VSIG10: variants seen among roughly 807,000 people sequenced by gnomAD.
VSIG10 encodes the protein V-set and immunoglobulin domain-containing protein 10.
Under a neutral mutation model 58.7 loss-of-function variants are expected in VSIG10, and 48 were observed. That is an observed-to-expected ratio of 0.82 (90% CI 0.65 to 1.04). The LOEUF (loss-of-function observed/expected upper bound fraction) is 1.04. Ranked by LOEUF, VSIG10 falls within the 50% of genes least tolerant of loss-of-function variation. The pLI, the probability that VSIG10 is intolerant of heterozygous loss-of-function variation, is 0.00. For synonymous variants in VSIG10, 260 were observed against 267.1 expected, an observed-to-expected ratio of 0.97 and a Z score of 0.26; for missense variants, 628 against 670.0, an observed-to-expected ratio of 0.94 and a Z score of 0.69.
At chr12:118,082,510 G>C in intron 2 of VSIG10, 81 bp from the exon 3 acceptor site, 1 of 1,390,014 alleles carries the variant, frequency 7.2e-7, no homozygotes, top group Non-Finnish European at 9.8e-7. Flanking sequence ...ATATATAAAT[G>C]AACAGAAAAT....
rs2033419928 is a variant in VSIG10, at chr12:118,095,455, C to T, written c.361+78G>A. On this transcript the variant is annotated intron_variant, in intron 2 of 8. Transcript: ENST00000359236. ...TTCCAGGCCATCCGAACCCAAAACCCATATTCCTGACCATGGTCTCCTCCT... is the reference window on the plus strand; with the variant it reads ...TTCCAGGCCATCCGAACCCAAAACCTATATTCCTGACCATGGTCTCCTCCT... The T allele has an allele frequency of 5.8e-6, 9 of 1,565,054 alleles. No homozygotes were observed. In the South Asian group the frequency reaches 7.2e-5, roughly 13 times the overall value.
At position 118,064,346 on chromosome 12, in the gene VSIG10, T is replaced by C. The variant is rs1405002342; in HGVS notation, c.*2293A>G. On this transcript the variant is annotated 3_prime_UTR_variant, in exon 9 of 9. Transcript: ENST00000359236. ...TGGTAGTGGAAAAACCCTCAAATAT[T>C]TCCTATCAACAGATGTGTGTGCTAG... The C allele has an allele frequency of 6.6e-6, 1 of 152,094 alleles. No individual in the cohort carries two copies. The highest frequency in any genetic ancestry group is 1.5e-5 in the Non-Finnish European group (1 of 68,034). 9.4% of individuals were successfully genotyped at this position (152,094 alleles called of 1,614,324 possible). A position where few individuals can be genotyped will look rare whatever the true frequency, so the allele number is the denominator to read the frequency against.
intron 3 of VSIG10, among the ~76,000 whole-genome samples, chr12:118,080,453 C>A (rs1441241494): frequency 6.6e-6 from 1 of 152,184 alleles, no homozygotes; most frequent in Non-Finnish European, 1.5e-5. Context: ...AGCCACCGCG[C>A]TCAGCCCCAC....
intron 2 of VSIG10, 139 bp downstream of exon 2, chr12:118,095,394 G>C: frequency 9.3e-7 from 1 of 1,075,804 alleles, no homozygotes; most frequent in Non-Finnish European, 1.3e-6. Flanking sequence ...GGTGTGAGAG[G>C]TCCCTCAGCT....
chr12:118,073,954 A>C lies in VSIG10; in HGVS notation c.964T>G (p.Phe322Val). ...GTAAGCGTCACATTGCCCCCAGTGA[A>C]GCAAGTCTTCATGGGCTCAGAGAGA... is the stretch of plus-strand genomic sequence containing the variant. ...SLLSEPMKTCFTGGNVTLTCQ... is the reference protein window; with the variant it reads ...SLLSEPMKTCVTGGNVTLTCQ... The change falls in exon 5 of 9, where the codon TTC becomes GTC. Residue 322 changes from phenylalanine to valine, a missense_variant. Phe to Val is a conservative substitution (Grantham distance 50, BLOSUM62 -1). Transcript: ENST00000359236. 6.2e-7 allele frequency: 1 copy of C among 1,600,622 alleles called. No individual in the cohort carries two copies. Among genetic ancestry groups the C allele is most frequent in the Non-Finnish European group, 8.5e-7 (1 of 1,171,928 alleles).
chr12:118,099,600 G>C (rs1405532500), intron 1 of VSIG10, among the ~76,000 whole-genome samples: 2 of 152,220 alleles, frequency 1.3e-5, no homozygotes, highest in African/African-American at 4.8e-5. Flanking sequence ...GCAGGAATAG[G>C]AAGATGGGCA....
At chr12:118,067,187 C>T (rs1236478569) in intron 8 of VSIG10, among the ~76,000 whole-genome samples, 1 of 151,962 alleles carries the variant, frequency 6.6e-6, no homozygotes, top group Non-Finnish European at 1.5e-5. Flanking sequence ...ACACACCCAG[C>T]TAATTTTTTG....
rs2137901964 is a variant in VSIG10, at chr12:118,082,437, T to A, written c.362-8A>T. ...CAATCTGATAGGGGCCGCCTGGGGATGACAGGGGGAATAGGATGGCATTAA... is the reference window on the plus strand; with the variant it reads ...CAATCTGATAGGGGCCGCCTGGGGAAGACAGGGGGAATAGGATGGCATTAA... On this transcript the variant is annotated splice_region_variant and splice_polypyrimidine_tract_variant and intron_variant, in intron 2 of 8. Coordinates refer to ENST00000359236, the MANE Select transcript of VSIG10 (RefSeq NM_019086.6). 1 of 1,602,636 alleles carries A rather than the reference T, an allele frequency of 6.2e-7. No homozygotes were observed. The highest frequency in any genetic ancestry group is 8.5e-7 in the Non-Finnish European group (1 of 1,172,536).
chr12:118,092,572 A>G (rs1441930871), intron 2 of VSIG10, among the ~76,000 whole-genome samples: 2 of 152,138 alleles, frequency 1.3e-5, no homozygotes, highest in African/African-American at 4.8e-5. Flanking sequence ...GAATGTGGCT[A>G]TATTCCAATA....
Position 118,067,464 on chromosome 12 carries a change from C to CTTT in VSIG10, c.1568-773_1568-771dup, listed in dbSNP as rs34148920. Among the ~76,000 whole-genome samples, 750 of 127,764 alleles carry CTTT rather than the reference C, an allele frequency of 5.9e-3. 17 individuals carry two copies. The highest frequency in any genetic ancestry group is 0.021 in the African/African-American group (692 of 32,768). 83.8% of individuals were successfully genotyped at this position (127,764 alleles called of 152,430 possible). A position where few individuals can be genotyped will look rare whatever the true frequency, so the allele number is the denominator to read the frequency against. ...TTTTAGTTTGTTCCCCTAAACTGGC[C>CTTT]TTTTTTTTTTTTTTTTTGAGACAGA... On this transcript the variant is annotated intron_variant, in intron 8 of 8. Transcript: ENST00000359236.
intron 7 of VSIG10, 139 bp from the exon 8 acceptor site, chr12:118,068,736 A>T (rs932694165): frequency 3.5e-5 from 39 of 1,115,270 alleles, no homozygotes; most frequent in Non-Finnish European, 4.3e-5. Flanking sequence ...TAATGAGGTG[A>T]TGGTGTGGTA....
intron 7 of VSIG10, 115 bp from the exon 8 acceptor site, chr12:118,068,712 A>G: frequency 7.6e-7 from 1 of 1,307,944 alleles, no homozygotes; most frequent in Non-Finnish European, 1.0e-6. Flanking sequence ...ATGGAAAATT[A>G]CAGCTTGGTG....
At chr12:118,091,183 C>G (rs766156954) in intron 2 of VSIG10, among the ~76,000 whole-genome samples, 6 of 152,096 alleles carry the variant, frequency 3.9e-5, no homozygotes, top group Non-Finnish European at 7.4e-5. Context: ...AATCTCCCCT[C>G]TGGCCTCCCA....
Position 118,068,610 on chromosome 12 carries a change from G to T in VSIG10, c.1347-13C>A, listed in dbSNP as rs1451656982. 6.6e-7 allele frequency: 1 copy of T among 1,521,128 alleles called. No homozygotes were observed. Among genetic ancestry groups the T allele is most frequent in the African/African-American group, 1.4e-5 (1 of 71,876 alleles). The allele number at this position is 1,521,128 out of a possible 1,614,324, so 94.2% of individuals were successfully genotyped here. On this transcript the variant is annotated splice_polypyrimidine_tract_variant and intron_variant, in intron 7 of 8. Coordinates refer to ENST00000359236, the MANE Select transcript of VSIG10 (RefSeq NM_019086.6). ...CATGTTTTGTCCCCTAATTTCCAAA[G>T]GGGAAAAATAATCAAGAAGATTTCT...
Position 118,083,114 on chromosome 12 carries a change from CAAAAAAAAAAAAAAA to C in VSIG10, c.362-700_362-686del, listed in dbSNP as rs61523301. 4.7e-4 allele frequency among the ~76,000 whole-genome samples: 26 copies of C among 55,030 alleles called. 1 individual carries two copies. Among genetic ancestry groups the C allele is most frequent in the East Asian group, 3.7e-3 (7 of 1,904 alleles). The allele number at this position is 55,030 out of a possible 152,430, so 36.1% of individuals were successfully genotyped here. A position where few individuals can be genotyped will look rare whatever the true frequency, so the allele number is the denominator to read the frequency against. ...AGCAACACAGCAAGTCTCCGTCTCA[CAAAAAAAAAAAAAAA>C]AAAAAAAAAAAAAAAAAAAATCACT... is the stretch of plus-strand genomic sequence containing the variant. On this transcript the variant is annotated intron_variant, in intron 2 of 8. Coordinates refer to ENST00000359236, the MANE Select transcript of VSIG10 (RefSeq NM_019086.6).
intron 2 of VSIG10, among the ~76,000 whole-genome samples, chr12:118,083,114 CAAAAAAAAAAAAAAAAAAAAAA>C (rs61523301): frequency 9.1e-5 from 5 of 55,000 alleles, no homozygotes; most frequent in South Asian, 1.1e-3. Context: ...CTCCGTCTCA[CAAAAAAAAAAAAAAAAAAAAAA>C]AAAAAAAAAA....
intron 2 of VSIG10, among the ~76,000 whole-genome samples, chr12:118,086,630 C>A (rs2033136371): frequency 6.6e-6 from 1 of 152,112 alleles, no homozygotes; most frequent in African/African-American, 2.4e-5. Context: ...TAAGATGGAT[C>A]CTGCCTGTAA....
rs2032473842 is a variant in VSIG10 at position 118,071,125 on chromosome 12, G to A, written c.1331-58C>T. 7 of 1,554,330 alleles carry A rather than the reference G, an allele frequency of 4.5e-6. No homozygotes were observed. In the East Asian group the frequency reaches 1.4e-4, roughly 31 times the overall value. ...AGTAACATCCACTTCAACCTGACAGGTTCTTAATCAGGCAAACATTTACTA... is the reference window on the plus strand; with the variant it reads ...AGTAACATCCACTTCAACCTGACAGATTCTTAATCAGGCAAACATTTACTA... On this transcript the variant is annotated intron_variant, in intron 6 of 8. Transcript: ENST00000359236.
chr12:118,085,667 G>T lies in VSIG10; in HGVS notation c.362-3238C>A, dbSNP rs372453335. Among the ~76,000 whole-genome samples, 42 of 149,004 alleles carry T rather than the reference G, an allele frequency of 2.8e-4. No individual in the cohort carries two copies. The East Asian group carries it at 7.9e-3, about 28-fold the overall frequency. On this transcript the variant is annotated intron_variant, in intron 2 of 8. Coordinates refer to ENST00000359236, the MANE Select transcript of VSIG10 (RefSeq NM_019086.6). ...ACCTGAGGTCAGGAGTTCAAGAACA[G>T]CCTGGCCAACATGGTGAAACCCTGC...
Sources: gnomAD v4.1 joint callset for allele counts (sites outside exome capture counted in the v4.1 genomes callset) on GRCh38, gnomAD v4.1.1 for gene constraint, MANE v1.5 for transcripts, NCBI Gene and HGNC (gene_info 2026-07-23, HGNC 2026-07-21) for gene names.